Variants in LDLRAD4 observed in about 807,000 individuals in gnomAD.
The protein encoded by LDLRAD4 is low density lipoprotein receptor class A domain containing 4, also known as low-density lipoprotein receptor class A domain-containing protein 4.
LDLRAD4 carries 5 observed loss-of-function variants against 17.0 expected under a neutral mutation model. That is an observed-to-expected ratio of 0.29 (90% confidence interval 0.15 to 0.62). LDLRAD4 has a LOEUF of 0.62. LDLRAD4 is among the 20% of genes least tolerant of loss of function. The pLI is 0.84. For missense variants in LDLRAD4, 340 were observed against 424.7 expected (o/e 0.80, Z 1.75); for synonymous variants, 168 against 171.8 (o/e 0.98, Z 0.17).
chr18:13,426,107 G>A lies in LDLRAD4; in HGVS notation c.41-12137G>A, dbSNP rs201713669. On this transcript the variant is annotated intron_variant, in intron 2 of 5. Coordinates refer to ENST00000359446, the Ensembl canonical transcript of LDLRAD4. ...GGCTCTCAACAGGACATGCCCTCGG[G>A]GAAGAACTGAACAGAAAGACAGATT... 2.0e-5 allele frequency: 3 copies of A among 152,848 alleles called. No individual in the cohort carries two copies. In the East Asian group the frequency reaches 5.8e-4, roughly 30 times the overall value. 9.5% of individuals were successfully genotyped at this position (152,848 alleles called of 1,614,324 possible).
At chr18:13,577,098 G>A (rs779905636) in intron 3 of LDLRAD4, among the ~76,000 whole-genome samples, 4 of 151,292 alleles carry the variant, frequency 2.6e-5, no homozygotes, top group Non-Finnish European at 5.9e-5. Flanking sequence ...TTAAGTATCC[G>A]AATTTGCATG....
chr18:13,408,674 T>C (rs532901990), intron 2 of LDLRAD4, among the ~76,000 whole-genome samples: 1 of 152,138 alleles, frequency 6.6e-6, no homozygotes, highest in East Asian at 1.9e-4. Flanking sequence ...GGTTTCACCA[T>C]CTTGGCCAGG....
intron 3 of LDLRAD4, among the ~76,000 whole-genome samples, chr18:13,617,085 A>G (rs1785128): frequency 0.78 from 119,088 of 151,830 alleles, 47,006 homozygotes; most frequent in East Asian, 0.91. Flanking sequence ...CCTTAAAAAG[A>G]AAGATGGTGG....
chr18:13,485,700 T>A (rs1568234708), intron 3 of LDLRAD4, among the ~76,000 whole-genome samples: 2 of 152,226 alleles, frequency 1.3e-5, no homozygotes, highest in African/African-American at 4.8e-5. Flanking sequence ...TAGTGCCATC[T>A]GTGTGATAGA....
chr18:13,578,641 C>A (rs184755650), intron 3 of LDLRAD4, among the ~76,000 whole-genome samples: 1 of 152,172 alleles, frequency 6.6e-6, no homozygotes, highest in Admixed American at 6.5e-5. Flanking sequence ...TGTGGCATGC[C>A]CTGCAGATCG....
intron 3 of LDLRAD4, chr18:13,616,262 G>GGT (rs1568411125): frequency 4.6e-4 from 69 of 150,720 alleles, no homozygotes; most frequent in African/African-American, 1.6e-3. Context: ...GGGGGGGGGG[G>GGT]GGTTGCCACA....
chr18:13,302,120 C>T (rs1219988376), intron 1 of LDLRAD4, among the ~76,000 whole-genome samples: 1 of 152,230 alleles, frequency 6.6e-6, no homozygotes, highest in African/African-American at 2.4e-5. Context: ...CAACACAGAC[C>T]CTGCAGTCTT....
rs547623352 is a variant in LDLRAD4 at position 13,632,305 on chromosome 18, C to T, written c.336+11034C>T. On this transcript the variant is annotated intron_variant, in intron 4 of 5. Coordinates refer to ENST00000359446, the Ensembl canonical transcript of LDLRAD4. Reference sequence around the variant, plus strand: ...GCTCACGTTACTGGCCCAGATCCCACACCTGCCAAGGGCAAGCCAGGCACA... The same window carrying T: ...GCTCACGTTACTGGCCCAGATCCCATACCTGCCAAGGGCAAGCCAGGCACA... Among the ~76,000 whole-genome samples, 3 of 152,378 alleles carry T rather than the reference C, an allele frequency of 2.0e-5. No individual in the cohort carries two copies. In the South Asian group the frequency reaches 6.2e-4, roughly 32 times the overall value.
At chr18:13,235,175 C>T (rs980232281) in intron 1 of LDLRAD4, 5 of 151,840 alleles carry the variant, frequency 3.3e-5, no homozygotes, top group Admixed American at 2.0e-4. Flanking sequence ...TGTTTAAACC[C>T]GGGAGGTAGA....
At chr18:13,324,360 T>C (rs1340662413) in intron 1 of LDLRAD4, among the ~76,000 whole-genome samples, 1 of 151,840 alleles carries the variant, frequency 6.6e-6, no homozygotes, top group Non-Finnish European at 1.5e-5. Context: ...GCCAGTATGG[T>C]CTCCATCTCC....
At chr18:13,352,771 A>G (rs1365735790) in intron 1 of LDLRAD4, among the ~76,000 whole-genome samples, 1 of 151,192 alleles carries the variant, frequency 6.6e-6, no homozygotes, top group Non-Finnish European at 1.5e-5. Context: ...ACTTTTCTTC[A>G]TTCTTTTTTC....
intron 3 of LDLRAD4, among the ~76,000 whole-genome samples, chr18:13,549,000 T>C (rs1167453669): frequency 6.6e-6 from 1 of 152,250 alleles, no homozygotes; most frequent in Non-Finnish European, 1.5e-5. Context: ...TCTTGAATAT[T>C]CAGCTCCCCA....
intron 3 of LDLRAD4, among the ~76,000 whole-genome samples, chr18:13,443,032 GAGACCTCATCAAACTGA>G (rs2091135941): frequency 6.6e-6 from 1 of 152,134 alleles, no homozygotes; most frequent in African/African-American, 2.4e-5. Context: ...TCTCTATATA[GAGACCTCATCAAACTGA>G]CCCCAAATTA....
chr18:13,644,961 C>CT (rs976634506), intron 5 of LDLRAD4, 166 bp from the exon 7 acceptor site: 43 of 644,026 alleles, frequency 6.7e-5, no homozygotes, highest in African/African-American at 1.9e-4. Flanking sequence ...GAAAAGTACA[C>CT]TTTTTTTTCT....
rs184994569 is a variant in LDLRAD4, at chr18:13,250,062, A to G, written c.-466-28043A>G. ...TACATAGGTAAACGTGCCTAGCACT[A>G]TTTATCGAAGAGAATGTCCTTAATG... On this transcript the variant is annotated intron_variant, in intron 1 of 5. Transcript: ENST00000399848. Among the ~76,000 whole-genome samples the G allele has an allele frequency of 4.3e-4, 65 of 152,304 alleles. 2 individuals carry two copies. The East Asian group carries it at 0.011, about 25-fold the overall frequency.
chr18:13,244,124 T>TCCCCC (rs2042833462), intron 1 of LDLRAD4, among the ~76,000 whole-genome samples: 5 of 75,852 alleles, frequency 6.6e-5, no homozygotes, highest in African/African-American at 1.3e-4. Flanking sequence ...CACCATGAAC[T>TCCCCC]CACCCACCCA....
intron 1 of LDLRAD4, among the ~76,000 whole-genome samples, chr18:13,337,828 T>C (rs1462586053): frequency 6.6e-6 from 1 of 151,692 alleles, no homozygotes; most frequent in African/African-American, 2.4e-5. Context: ...GCCACTGCTC[T>C]CCAGTCTGGG....
intron 3 of LDLRAD4, among the ~76,000 whole-genome samples, chr18:13,586,131 G>A (rs543387070): frequency 6.6e-6 from 1 of 152,020 alleles, no homozygotes; most frequent in South Asian, 2.1e-4. Flanking sequence ...ACTGAGGGCG[G>A]GGCATGGTGG....
chr18:13,606,303 C>T (rs1019641372), intron 3 of LDLRAD4, among the ~76,000 whole-genome samples: 1 of 152,184 alleles, frequency 6.6e-6, no homozygotes, highest in Non-Finnish European at 1.5e-5. Context: ...TAAATGTGGA[C>T]TCATAAGTAA....
Sources: allele counts gnomAD v4.1 joint callset (sites outside exome capture counted in the v4.1 genomes callset), GRCh38; gene constraint gnomAD v4.1.1; transcripts MANE v1.5; gene names NCBI Gene and HGNC (gene_info 2026-07-23, HGNC 2026-07-21).